TPRG1: variants seen among roughly 807,000 people sequenced by gnomAD.
TPRG1 encodes tumor protein p63-regulated gene 1 protein.
In TPRG1, 29 loss-of-function variants were observed where a neutral mutation model predicts 29.3. The ratio of observed to expected loss-of-function variants is 0.99; its 90% CI spans 0.74 to 1.35. TPRG1 has a LOEUF of 1.35. Among genes scored for constraint, TPRG1 ranks in the 40% most tolerant of loss-of-function variants. The pLI, the probability that TPRG1 is intolerant of heterozygous loss-of-function variation, is 0.00. For missense variants in TPRG1, 327 were observed against 335.0 expected (o/e 0.98, Z 0.19); for synonymous variants, 130 against 116.8 (o/e 1.11, Z -0.73).
chr3:189,261,203 G>A (rs1241858404), intron 4 of TPRG1, among the ~76,000 whole-genome samples: 1 of 152,104 alleles, frequency 6.6e-6, no homozygotes, highest in Non-Finnish European at 1.5e-5. Context: ...GGGGAGGGAG[G>A]TGTGTGTGAT....
At chr3:189,270,216 GTTTTACAGAAATT>G (rs1223010972) in intron 4 of TPRG1, among the ~76,000 whole-genome samples, 1 of 152,002 alleles carries the variant, frequency 6.6e-6, no homozygotes, top group African/African-American at 2.4e-5. Context: ...GGTCCAGGTG[GTTTTACAGAAATT>G]ATACCATATT....
At chr3:189,037,024 G>T (rs1714312401) in intron 4 of TPRG1, among the ~76,000 whole-genome samples, 1 of 52,318 alleles carries the variant, frequency 1.9e-5, no homozygotes, top group Non-Finnish European at 3.6e-5. Context: ...ATTTATAAGT[G>T]ACTTCTGAAA....
intron 4 of TPRG1, among the ~76,000 whole-genome samples, chr3:189,254,401 C>T (rs956449928): frequency 2.0e-5 from 3 of 152,152 alleles, no homozygotes; most frequent in African/African-American, 4.8e-5. Flanking sequence ...GGTACCAGTA[C>T]CATGCTGTTT....
At chr3:189,195,073 T>C (rs755590277) in intron 1 of TPRG1, among the ~76,000 whole-genome samples, 14 of 152,128 alleles carry the variant, frequency 9.2e-5, no homozygotes, top group Non-Finnish European at 1.6e-4. Context: ...GCAAAGCTGC[T>C]CAGCTTAACC....
intron 5 of TPRG1, among the ~76,000 whole-genome samples, chr3:189,317,851 T>TA (rs1290841555): frequency 1.3e-5 from 2 of 152,198 alleles, no homozygotes; most frequent in Admixed American, 1.3e-4. Flanking sequence ...TGTGTGCATA[T>TA]ATCTGCATGT....
At chr3:189,213,655 A>C (rs964647838) in intron 2 of TPRG1, among the ~76,000 whole-genome samples, 2 of 152,188 alleles carry the variant, frequency 1.3e-5, no homozygotes, top group African/African-American at 4.8e-5. Context: ...ATTCGTTACT[A>C]CCCATAGGGA....
chr3:189,036,269 G>C (rs1714263198), intron 4 of TPRG1, among the ~76,000 whole-genome samples: 2 of 152,086 alleles, frequency 1.3e-5, no homozygotes, highest in African/African-American at 4.8e-5. Flanking sequence ...AGAGAGGGGA[G>C]GGTAGAATGG....
At chr3:189,229,392 T>C (rs767710510) in intron 3 of TPRG1, among the ~76,000 whole-genome samples, 3 of 152,214 alleles carry the variant, frequency 2.0e-5, no homozygotes, top group Non-Finnish European at 4.4e-5. Flanking sequence ...CCTTTGGCCG[T>C]AGCTGACTGG....
At chr3:189,079,596 C>G (rs1717448838) in intron 4 of TPRG1, among the ~76,000 whole-genome samples, 2 of 152,128 alleles carry the variant, frequency 1.3e-5, no homozygotes, top group African/African-American at 4.8e-5. Flanking sequence ...ATTTTAAACA[C>G]ACACACAAAT....
rs997877547 is a variant in TPRG1, at chr3:189,136,125, C to T, written c.-291+3428C>T. ...GACTCCCTTCTTTCACTTCTTTGAA[C>T]ATTCACCAACTTATAGTTGATGCTA... On this transcript the variant is annotated intron_variant, in intron 3 of 6. Transcript: ENST00000412373. Among the ~76,000 whole-genome samples the T allele has an allele frequency of 2.0e-4, 30 of 152,198 alleles. 1 individual carries two copies. Among genetic ancestry groups the T allele is most frequent in the Admixed American group, 1.2e-3 (18 of 15,282 alleles).
intron 4 of TPRG1, among the ~76,000 whole-genome samples, chr3:189,060,487 G>A (rs1472582149): frequency 6.6e-6 from 1 of 152,142 alleles, no homozygotes; most frequent in Non-Finnish European, 1.5e-5. Flanking sequence ...CAAATTGGAA[G>A]AGAGGAAGTA....
intron 1 of TPRG1, among the ~76,000 whole-genome samples, chr3:188,999,509 T>A (rs184328985): frequency 1.8e-3 from 276 of 152,302 alleles, no homozygotes; most frequent in African/African-American, 6.3e-3. Flanking sequence ...CCACACTGCT[T>A]AACTGCGTAA....
At chr3:189,213,224 C>T (rs1013708311) in intron 2 of TPRG1, among the ~76,000 whole-genome samples, 3 of 151,988 alleles carry the variant, frequency 2.0e-5, no homozygotes, top group Admixed American at 1.3e-4. Context: ...TAGCATGACT[C>T]AGTTACAGTT....
At chr3:189,297,105 C>T (rs768340901) in intron 4 of TPRG1, among the ~76,000 whole-genome samples, 2 of 152,116 alleles carry the variant, frequency 1.3e-5, no homozygotes, top group Admixed American at 6.6e-5. Flanking sequence ...CTCAGCCTCA[C>T]GAGTAGCTGG....
chr3:189,067,732 A>G (rs1716546817), intron 4 of TPRG1, among the ~76,000 whole-genome samples: 1 of 152,184 alleles, frequency 6.6e-6, no homozygotes, highest in Non-Finnish European at 1.5e-5. Context: ...AAAGGAAAAC[A>G]TTGGGGAAAC....
intron 1 of TPRG1, among the ~76,000 whole-genome samples, chr3:189,177,399 T>A (rs1256498600): frequency 6.6e-6 from 1 of 151,794 alleles, no homozygotes; most frequent in African/African-American, 2.4e-5. Flanking sequence ...TATATGTATG[T>A]ATGTATACGC....
chr3:189,268,307 G>T (rs1714478209), intron 4 of TPRG1, among the ~76,000 whole-genome samples: 1 of 152,174 alleles, frequency 6.6e-6, no homozygotes, highest in African/African-American at 2.4e-5. Flanking sequence ...ACAAGGATGG[G>T]TGGCTGATGG....
chr3:189,128,177 G>A (rs904566111), intron 2 of TPRG1, among the ~76,000 whole-genome samples: 3 of 152,292 alleles, frequency 2.0e-5, no homozygotes, highest in Admixed American at 6.5e-5. Context: ...TGTTTGTCGT[G>A]TACTCTTAAT....
At chr3:189,105,329 T>A (rs1311518232) in intron 1 of TPRG1, among the ~76,000 whole-genome samples, 1 of 152,156 alleles carries the variant, frequency 6.6e-6, no homozygotes, top group Non-Finnish European at 1.5e-5. Context: ...CTTCTCTATA[T>A]GGCCCTCAGA....
Sources: gnomAD v4.1 joint callset for allele counts (sites outside exome capture counted in the v4.1 genomes callset) on GRCh38, gnomAD v4.1.1 for gene constraint, MANE v1.5 for transcripts, NCBI Gene and HGNC (gene_info 2026-07-23, HGNC 2026-07-21) for gene names.